The following ZBTB7C variants were observed in gnomAD, a reference collection of about 807,000 sequenced individuals.
ZBTB7C encodes zinc finger and BTB domain-containing protein 7C.
A neutral mutation model predicts 25.7 loss-of-function variants in ZBTB7C; 8 were observed. The observed-to-expected ratio is 0.31, with a 90% CI of 0.18 to 0.56. The LOEUF is 0.56. Ranked by LOEUF, ZBTB7C falls within the 20% of genes least tolerant of loss-of-function variation. The probability of loss-of-function intolerance (pLI) is 0.91; values close to 1 mark genes in which losing one functional copy is unlikely to be tolerated. For missense variants in ZBTB7C, 824 were observed against 855.2 expected, an observed-to-expected ratio of 0.96 and a Z score of 0.46; for synonymous variants, 394 against 369.0, an observed-to-expected ratio of 1.07 and a Z score of -0.78.
intron 3 of ZBTB7C, among the ~76,000 whole-genome samples, chr18:48,085,027 C>T (rs527967863): frequency 6.6e-6 from 1 of 152,100 alleles, no homozygotes; most frequent in Admixed American, 6.5e-5. Context: ...GCCCAGCCCC[C>T]GGGAATGGTG....
chr18:48,168,580 T>C (rs1456929423), intron 3 of ZBTB7C, among the ~76,000 whole-genome samples: 2 of 152,204 alleles, frequency 1.3e-5, no homozygotes, highest in Non-Finnish European at 2.9e-5. Flanking sequence ...ATCTCACCAA[T>C]GATTTTTATT....
chr18:48,312,142 A>C (rs1413520736), intron 2 of ZBTB7C, among the ~76,000 whole-genome samples: 1 of 152,222 alleles, frequency 6.6e-6, no homozygotes, highest in Non-Finnish European at 1.5e-5. Flanking sequence ...GGCAGTGCCC[A>C]CGTGCTGGGC....
At chr18:48,344,037 T>G (rs1036464328) in intron 1 of ZBTB7C, among the ~76,000 whole-genome samples, 5 of 152,198 alleles carry the variant, frequency 3.3e-5, no homozygotes, top group Non-Finnish European at 5.9e-5. Flanking sequence ...TAGGCTGGAG[T>G]GCAGTGGCAC....
chr18:48,397,834 T>C (rs1412804316), intron 1 of ZBTB7C, among the ~76,000 whole-genome samples: 1 of 152,204 alleles, frequency 6.6e-6, no homozygotes, highest in Admixed American at 6.5e-5. Context: ...CAAGACCACG[T>C]CTTGGGCTTC....
intron 3 of ZBTB7C, among the ~76,000 whole-genome samples, chr18:48,158,805 C>A (rs983573374): frequency 2.6e-5 from 4 of 152,158 alleles, no homozygotes; most frequent in Admixed American, 2.6e-4. Flanking sequence ...ACCTCACCGC[C>A]CTGTCCATCC....
At chr18:48,175,101 ATTAAT>A (rs898490237) in intron 3 of ZBTB7C, among the ~76,000 whole-genome samples, 1 of 152,214 alleles carries the variant, frequency 6.6e-6, no homozygotes, top group African/African-American at 2.4e-5. Flanking sequence ...ATTTTTAAAA[ATTAAT>A]TTAATAAGAA....
Position 48,243,405 on chromosome 18 carries a change from C to T in ZBTB7C, c.-78-57410G>A, listed in dbSNP as rs9949960. ...ACCAAGTTGAGAATCAAATCAAGAA[C>T]TCAACCCCTTTTACGAAAGCTGCAA... On this transcript the variant is annotated intron_variant, in intron 2 of 4. Transcript: ENST00000590800. Among the ~76,000 whole-genome samples, 7,204 of 151,616 alleles carry T rather than the reference C, an allele frequency of 0.048. 833 individuals are homozygous for T. In the East Asian group the frequency reaches 0.48, roughly 10 times the overall value.
At chr18:48,190,906 G>C (rs1001878317) in intron 2 of ZBTB7C, among the ~76,000 whole-genome samples, 2 of 152,150 alleles carry the variant, frequency 1.3e-5, no homozygotes, top group Admixed American at 6.5e-5. Context: ...AACCTTTCTT[G>C]GGCACAGCAC....
intron 2 of ZBTB7C, among the ~76,000 whole-genome samples, chr18:48,298,219 G>A (rs2144726634): frequency 6.6e-6 from 1 of 151,302 alleles, no homozygotes; most frequent in South Asian, 2.1e-4. Context: ...AGTGGAGGTT[G>A]CAGTGAGCCA....
At chr18:48,378,112 T>C (rs973121911) in intron 1 of ZBTB7C, among the ~76,000 whole-genome samples, 1 of 152,140 alleles carries the variant, frequency 6.6e-6, no homozygotes. Context: ...GATCGCATCC[T>C]GGGCAACAAG....
chr18:48,355,181 G>A (rs2046949609), intron 1 of ZBTB7C, among the ~76,000 whole-genome samples: 1 of 152,182 alleles, frequency 6.6e-6, no homozygotes, highest in Non-Finnish European at 1.5e-5. Flanking sequence ...GCCTCTTGGA[G>A]AGGGCGGTAT....
intron 2 of ZBTB7C, among the ~76,000 whole-genome samples, chr18:48,333,607 T>C (rs1440106305): frequency 6.6e-6 from 1 of 152,220 alleles, no homozygotes; most frequent in Admixed American, 6.5e-5. Context: ...TGCATTGTCC[T>C]CCAAATGTGC....
At chr18:48,030,042 C>T in intron 4 of ZBTB7C, 131 bp from the exon 5 acceptor site, 5 of 1,174,726 alleles carry the variant, frequency 4.3e-6, no homozygotes, top group Middle Eastern at 1.9e-4. Flanking sequence ...AAATAGGTCT[C>T]ATGCTAGATC....
chr18:48,165,813 A>C (rs1182420974), intron 3 of ZBTB7C, among the ~76,000 whole-genome samples: 2 of 152,326 alleles, frequency 1.3e-5, no homozygotes, highest in African/African-American at 4.8e-5. Flanking sequence ...TGACCAGCAC[A>C]CATATTCTCG....
intron 2 of ZBTB7C, among the ~76,000 whole-genome samples, chr18:48,206,337 G>A (rs191018532): frequency 1.3e-5 from 2 of 152,252 alleles, no homozygotes; most frequent in Admixed American, 6.5e-5. Context: ...TTTCAGCTGG[G>A]AAAGAATGGT....
chr18:48,129,273 C>A (rs2039908986), intron 3 of ZBTB7C, among the ~76,000 whole-genome samples: 1 of 151,192 alleles, frequency 6.6e-6, no homozygotes, highest in Non-Finnish European at 1.5e-5. Flanking sequence ...GGCTTCATAA[C>A]TTCCCAATGT....
At chr18:48,087,090 A>G (rs1391944381) in intron 3 of ZBTB7C, among the ~76,000 whole-genome samples, 3 of 152,202 alleles carry the variant, frequency 2.0e-5, no homozygotes, top group Non-Finnish European at 2.9e-5. Context: ...GATTGTGCAC[A>G]TAGTTAGTAG....
intron 3 of ZBTB7C, among the ~76,000 whole-genome samples, chr18:48,062,791 G>A (rs1167063209): frequency 6.6e-6 from 1 of 152,240 alleles, no homozygotes; most frequent in African/African-American, 2.4e-5. Context: ...GGGCTGGACA[G>A]GGCCTTTTAT....
At chr18:48,375,887 A>G (rs191737115) in intron 1 of ZBTB7C, among the ~76,000 whole-genome samples, 73 of 152,354 alleles carry the variant, frequency 4.8e-4, no homozygotes, top group African/African-American at 1.6e-3. Context: ...TCTGGTCCCA[A>G]TTCTGCCATC....
Sources: gnomAD v4.1 joint callset for allele counts (sites outside exome capture counted in the v4.1 genomes callset) on GRCh38, gnomAD v4.1.1 for gene constraint, MANE v1.5 for transcripts, NCBI Gene and HGNC (gene_info 2026-07-23, HGNC 2026-07-21) for gene names.